Variants in PLA2G6 observed in about 807,000 individuals in gnomAD.
The protein encoded by PLA2G6 is phospholipase A2 group VI.
A neutral mutation model predicts 83.8 loss-of-function variants in PLA2G6; 62 were observed. The observed-to-expected ratio is 0.74, with a 90% CI of 0.60 to 0.91. The LOEUF is 0.91. Among genes scored for constraint, PLA2G6 ranks in the 40% least tolerant of loss-of-function variants. PLA2G6 has a pLI of 0.00. For synonymous variants in PLA2G6, 417 were observed against 449.8 expected (o/e 0.93, Z 0.92); for missense variants, 944 against 1,102.0 (o/e 0.86, Z 2.03).
Position 38,129,527 on chromosome 22 carries a change from C to A in PLA2G6, c.1113G>T (p.Val371=). The A allele has an allele frequency of 6.2e-7, 1 of 1,614,056 alleles. No individual in the cohort carries two copies. The highest frequency in any genetic ancestry group is 8.5e-7 in the Non-Finnish European group (1 of 1,179,882). Residue 371 remains valine, a synonymous_variant, in exon 8 of 17, where the codon GTG becomes GTT. Coordinates refer to ENST00000332509, the MANE Select transcript of PLA2G6 (RefSeq NM_003560.4). ...DNVEMIKALI[V]FGAEVDTPND... is the part of the protein sequence containing the mutation. ...TCGGGGTGTCCACTTCTGCTCCGAA[C>A]ACGATGAGGGCCTTGATCATCTCCA...
Position 38,128,952 on chromosome 22 carries a change from C to G in PLA2G6, c.1186+502G>C, listed in dbSNP as rs1415417287. ...TGACCCCCACAGCTGCTGAAACCCT[C>G]CAGAGCGGGCTCCAGGCCTCTGGTG... is the stretch of plus-strand genomic sequence containing the variant. On this transcript the variant is annotated intron_variant, in intron 8 of 16. Coordinates refer to ENST00000332509, the MANE Select transcript of PLA2G6 (RefSeq NM_003560.4). The surrounding 1 kb of genome is among the most constrained non-coding windows in gnomAD (Gnocchi z 4.4). Among the ~76,000 whole-genome samples the G allele has an allele frequency of 6.6e-6, 1 of 152,258 alleles. No individual in the cohort carries two copies. Among genetic ancestry groups the G allele is most frequent in the Non-Finnish European group, 1.5e-5 (1 of 68,044 alleles).
chr22:38,148,657 A>C (rs925027272), intron 2 of PLA2G6: 7 of 679,974 alleles, frequency 1.0e-5, no homozygotes, highest in Non-Finnish European at 1.9e-5. Flanking sequence ...AACATCTCTT[A>C]CTTTGGGTTA....
At position 38,111,793 on chromosome 22, in the gene PLA2G6, C is replaced by T; in HGVS notation, c.*368G>A. The T allele has an allele frequency of 2.8e-6, 1 of 358,108 alleles. No homozygotes were observed. Among genetic ancestry groups the T allele is most frequent in the Admixed American group, 3.9e-5 (1 of 25,830 alleles). 22.2% of individuals were successfully genotyped at this position (358,108 alleles called of 1,614,324 possible). A position where few individuals can be genotyped will look rare whatever the true frequency, so the allele number is the denominator to read the frequency against. On this transcript the variant is annotated 3_prime_UTR_variant, in exon 17 of 17. Transcript: ENST00000332509. ...AGCCTGGGAGTGCCCTTGCTGGGGGCTGGGGCAGAGGCAGCCCGGCAGGCC... is the reference window on the plus strand; with the variant it reads ...AGCCTGGGAGTGCCCTTGCTGGGGGTTGGGGCAGAGGCAGCCCGGCAGGCC...
chr22:38,132,886 GC>G lies in PLA2G6; in HGVS notation c.1021del (p.Ala341ProfsTer25). 2 of 1,554,292 alleles carry G rather than the reference GC, an allele frequency of 1.3e-6. No homozygotes were observed. Among genetic ancestry groups the G allele is most frequent in the Non-Finnish European group, 8.7e-7 (1 of 1,149,762 alleles). On this transcript the variant is annotated frameshift_variant, in exon 7 of 17. Coordinates refer to ENST00000332509, the MANE Select transcript of PLA2G6 (RefSeq NM_003560.4). LOFTEE classifies it high-confidence loss of function. This position sits in a 1 kb window ranked among gnomAD's most constrained non-coding sequence, Gnocchi z 5.0. ...DCAIVLLTHG[A>X]NADARGEHGN... is the part of the protein sequence containing the mutation. ...GTGCTCTCCGCGGGCATCCGCGTTG[GC>G]CCCGTGGGTCAGCAGCACTATGGCA...
At chr22:38,166,981 C>T (rs539597878) in intron 2 of PLA2G6, among the ~76,000 whole-genome samples, 16 of 152,086 alleles carry the variant, frequency 1.1e-4, no homozygotes, top group African/African-American at 3.6e-4. Flanking sequence ...GTAATCCCAG[C>T]ACTTTGGGAG....
Position 38,128,221 on chromosome 22 carries a change from G to GGCCCT in PLA2G6, c.1348+47_1348+48insAGGGC. 1 of 1,594,978 alleles carries GGCCCT rather than the reference G, an allele frequency of 6.3e-7. No homozygotes were observed. The highest frequency in any genetic ancestry group is 1.1e-5 in the South Asian group (1 of 90,674). On this transcript the variant is annotated intron_variant, in intron 9 of 16. Coordinates refer to ENST00000332509, the MANE Select transcript of PLA2G6 (RefSeq NM_003560.4). This position sits in a 1 kb window ranked among gnomAD's most constrained non-coding sequence, Gnocchi z 4.4. ...TTTGGTGGGGCCTGCTGTGATCCAG[G>GGCCCT]GGCCTGGGAACCAGCTGGAGAAGAG...
At chr22:38,112,909 T>TC (rs1569240099) in intron 15 of PLA2G6, 46 of 336,292 alleles carry the variant, frequency 1.4e-4, no homozygotes, top group African/African-American at 1.2e-3. Context: ...CTCTCTCTCT[T>TC]TCTTTCTTTC....
At chr22:38,151,889 A>G (rs976495704) in intron 2 of PLA2G6, among the ~76,000 whole-genome samples, 1 of 152,224 alleles carries the variant, frequency 6.6e-6, no homozygotes, top group Middle Eastern at 3.2e-3. Context: ...GTTTTGCTCC[A>G]GAAGAAGACA....
intron 12 of PLA2G6, among the ~76,000 whole-genome samples, chr22:38,118,224 G>C (rs747588034): frequency 6.6e-6 from 1 of 152,194 alleles, no homozygotes; most frequent in Non-Finnish European, 1.5e-5. Context: ...GGCCTGCAAC[G>C]TGGTCAGGCA....
rs1602097673 is a variant in PLA2G6 at position 38,123,327 on chromosome 22, T to G, written c.1428-69A>C. 1 of 1,481,322 alleles carries G rather than the reference T, an allele frequency of 6.8e-7. No individual in the cohort carries two copies. The highest frequency in any genetic ancestry group is 2.5e-5 in the East Asian group (1 of 40,602). 91.8% of individuals were successfully genotyped at this position (1,481,322 alleles called of 1,614,324 possible). A position where few individuals can be genotyped will look rare whatever the true frequency, so the allele number is the denominator to read the frequency against. ...GCCCAGTACTTTACATCCACCCTCA[T>G]AGCCCTTGTCCCCTGCAGCTGTGTC... On this transcript the variant is annotated intron_variant, in intron 10 of 16. Coordinates refer to ENST00000332509, the MANE Select transcript of PLA2G6 (RefSeq NM_003560.4). The surrounding 1 kb of genome is among the most constrained non-coding windows in gnomAD (Gnocchi z 4.1).
intron 1 of PLA2G6, among the ~76,000 whole-genome samples, chr22:38,172,515 C>T (rs1274071432): frequency 6.6e-6 from 1 of 152,216 alleles, no homozygotes; most frequent in African/African-American, 2.4e-5. Context: ...GGTTTATGGG[C>T]TTTTGTTTTT....
intron 9 of PLA2G6, chr22:38,127,567 C>CA: frequency 1.4e-6 from 1 of 727,788 alleles, no homozygotes; most frequent in Non-Finnish European, 2.1e-6. Context: ...TCCAGAGTTC[C>CA]AGGCTTGGTC....
Position 38,112,530 on chromosome 22 carries a change from G to C in PLA2G6, c.2250C>G (p.Cys750Trp). 4 of 1,555,780 alleles carry C rather than the reference G, an allele frequency of 2.6e-6. No homozygotes were observed. Among genetic ancestry groups the C allele is most frequent in the Non-Finnish European group, 3.5e-6 (4 of 1,150,844 alleles). ...GRAVDRARAW[C>W]EMVGIQYFRL... ...TGAAGTACTGGATGCCGACCATCTC[G>C]CACCAGGCCCGTGCCCGGTCCACAG... is the stretch of plus-strand genomic sequence containing the variant. The change falls in exon 16 of 17, where the codon TGC (cysteine) becomes TGG (tryptophan). Residue 750 changes from cysteine (C) to tryptophan (W), a missense_variant. Physicochemically the swap from Cys to Trp is radical, Grantham distance 215 (BLOSUM62 -2). Coordinates refer to ENST00000332509, the MANE Select transcript of PLA2G6 (RefSeq NM_003560.4).
chr22:38,117,007 C>T (rs2067620504), intron 12 of PLA2G6, among the ~76,000 whole-genome samples: 1 of 152,010 alleles, frequency 6.6e-6, no homozygotes, highest in South Asian at 2.1e-4. Flanking sequence ...GTCAGTCTCA[C>T]AACCACTATA....
intron 2 of PLA2G6, among the ~76,000 whole-genome samples, chr22:38,164,738 T>C (rs4376): frequency 0.085 from 12,894 of 152,160 alleles, 607 homozygotes; most frequent in South Asian, 0.14. Flanking sequence ...TAGCAGCCCA[T>C]GCTCACTCTA....
chr22:38,169,434 G>A lies in PLA2G6; in HGVS notation c.-8C>T, dbSNP rs11570604. On this transcript the variant is annotated 5_prime_UTR_variant, in exon 2 of 17. Transcript: ENST00000332509. Reference sequence around the variant, plus strand: ...GCGGCCAAAGAACTGCATCTTCTGCGGGGCAGGTGGGGAGGCCCCACCGTC... The same window carrying A: ...GCGGCCAAAGAACTGCATCTTCTGCAGGGCAGGTGGGGAGGCCCCACCGTC... 171 of 1,612,684 alleles carry A rather than the reference G, an allele frequency of 1.1e-4. 2 individuals carry two copies. Among genetic ancestry groups the A allele is most frequent in the South Asian group, 9.1e-4 (83 of 90,950 alleles).
At chr22:38,175,033 C>T (rs1030387231) in intron 1 of PLA2G6, among the ~76,000 whole-genome samples, 8 of 152,186 alleles carry the variant, frequency 5.3e-5, no homozygotes, top group Non-Finnish European at 1.2e-4. Context: ...CCCTGAAGGA[C>T]CCTGGGCAGG....
Position 38,132,665 on chromosome 22 carries a change from G to C in PLA2G6, c.1077+166C>G, listed in dbSNP as rs1427064267. The C allele has an allele frequency of 1.1e-5, 7 of 648,916 alleles. No homozygotes were observed. The highest frequency in any genetic ancestry group is 2.7e-6 in the Non-Finnish European group (1 of 376,054). The allele number at this position is 648,916 out of a possible 1,614,324, so 40.2% of individuals were successfully genotyped here. On this transcript the variant is annotated intron_variant, in intron 7 of 16. Transcript: ENST00000332509. The surrounding 1 kb of genome is among the most constrained non-coding windows in gnomAD (Gnocchi z 5.0). Reference sequence around the variant, plus strand: ...TTGGGCTGAGAGGGGGACTTGGAAGGCTTCCTGAGGGAGGAGTCAGGGTCT... The same window carrying C: ...TTGGGCTGAGAGGGGGACTTGGAAGCCTTCCTGAGGGAGGAGTCAGGGTCT...
In PLA2G6 at chr22:38,148,530, T is replaced by C. The variant is rs527304334; in HGVS notation, c.210-2877A>G. ...AATGATGGAAACCCAGGAATTGCAGTGTTCAGGTGGCTGTTACTGGAGAGG... is the reference window on the plus strand; with the variant it reads ...AATGATGGAAACCCAGGAATTGCAGCGTTCAGGTGGCTGTTACTGGAGAGG... On this transcript the variant is annotated intron_variant, in intron 2 of 16. Coordinates refer to ENST00000332509, the MANE Select transcript of PLA2G6 (RefSeq NM_003560.4). The C allele has an allele frequency of 6.8e-5, 49 of 717,246 alleles. 1 individual carries two copies. Among genetic ancestry groups the C allele is most frequent in the South Asian group, 6.1e-4 (41 of 67,580 alleles). 44.4% of individuals were successfully genotyped at this position (717,246 alleles called of 1,614,324 possible). A position where few individuals can be genotyped will look rare whatever the true frequency, so the allele number is the denominator to read the frequency against.
Sources: allele counts gnomAD v4.1 joint callset (sites outside exome capture counted in the v4.1 genomes callset), GRCh38; gene constraint gnomAD v4.1.1; non-coding constraint Gnocchi (gnomAD v3.1); transcripts MANE v1.5; gene names NCBI Gene and HGNC (gene_info 2026-07-23, HGNC 2026-07-21).